ADGRE5: variants seen among roughly 807,000 people sequenced by gnomAD.
ADGRE5 encodes adhesion G protein-coupled receptor E5, also known as CD97 molecule.
ADGRE5 carries 72 observed loss-of-function variants against 100.3 expected under a neutral mutation model. The observed-to-expected ratio is 0.72, with a 90% CI of 0.59 to 0.87. The LOEUF (loss-of-function observed/expected upper bound fraction) is 0.87, where lower values mean the gene tolerates loss of function less well. Among genes scored for constraint, ADGRE5 ranks in the 40% least tolerant of loss-of-function variants. ADGRE5 has a pLI of 0.00. For missense variants in ADGRE5, 959 were observed against 1,094.7 expected, an observed-to-expected ratio of 0.88 and a Z score of 1.75; for synonymous variants, 439 against 447.8, an observed-to-expected ratio of 0.98 and a Z score of 0.25.
In ADGRE5 at chr19:14,388,965, G is replaced by A. The variant is rs186834796; in HGVS notation, c.190+147G>A. 147 of 830,664 alleles carry A rather than the reference G, an allele frequency of 1.8e-4. No homozygotes were observed. The African/African-American group carries it at 2.1e-3, about 12-fold the overall frequency. The allele number at this position is 830,664 out of a possible 1,614,324, so 51.5% of individuals were successfully genotyped here. A position where few individuals can be genotyped will look rare whatever the true frequency, so the allele number is the denominator to read the frequency against. The stretch of plus-strand genomic sequence containing the variant: ...GAGAAAAGAAAAAGAGGGCAGGCGT[G>A]GTGGCTCACGCCTGTAATCCCAGCA... On this transcript the variant is annotated intron_variant, in intron 3 of 19. Transcript: ENST00000242786.
chr19:14,399,436 C>T (rs1202118220), intron 9 of ADGRE5, among the ~76,000 whole-genome samples: 8 of 150,474 alleles, frequency 5.3e-5, no homozygotes, highest in African/African-American at 1.9e-4. Flanking sequence ...TAGTGGCGGG[C>T]GCCTGTAGTC....
Position 14,408,016 on chromosome 19 carries a change from G to C in ADGRE5, c.2478+7G>C. On this transcript the variant is annotated splice_region_variant and intron_variant, in intron 19 of 19. Coordinates refer to ENST00000242786, the MANE Select transcript of ADGRE5 (RefSeq NM_078481.4). ...TGGCCACAATCAGACCCGGGTAAGG[G>C]GCTGCGCCTGGGGCGGGTGTGGGCA... is the stretch of plus-strand genomic sequence containing the variant. 1 of 1,614,154 alleles carries C rather than the reference G, an allele frequency of 6.2e-7. No individual in the cohort carries two copies. The highest frequency in any genetic ancestry group is 8.5e-7 in the Non-Finnish European group (1 of 1,180,004).
At position 14,388,412 on chromosome 19, in the gene ADGRE5, G is replaced by C. The variant is rs761906518; in HGVS notation, c.23-38G>C. On this transcript the variant is annotated intron_variant, in intron 1 of 19. Transcript: ENST00000242786. ...ACCCTTACGCCTCCTTTCCCACCCT[G>C]GGATCCCCTCTGACCCCCTTTCCTT... 2.0e-6 allele frequency: 3 copies of C among 1,482,512 alleles called. No individual in the cohort carries two copies. In the African/African-American group the frequency reaches 4.3e-5, roughly 21 times the overall value. 91.8% of individuals were successfully genotyped at this position (1,482,512 alleles called of 1,614,324 possible). A position where few individuals can be genotyped will look rare whatever the true frequency, so the allele number is the denominator to read the frequency against.
At chr19:14,388,862 A>G in intron 3 of ADGRE5, 44 bp downstream of exon 3, 2 of 1,567,438 alleles carry the variant, frequency 1.3e-6, no homozygotes, top group Non-Finnish European at 1.8e-6. Flanking sequence ...CGCGATTATG[A>G]GGCATTGCCC....
chr19:14,405,990 GA>G, intron 14 of ADGRE5, 51 bp downstream of exon 14: 1 of 1,526,660 alleles, frequency 6.6e-7, no homozygotes, highest in Non-Finnish European at 8.8e-7. Flanking sequence ...GGAGGCCTGG[GA>G]GGGGTTAGCC....
Position 14,407,980 on chromosome 19 carries a change from A to T in ADGRE5, c.2449A>T (p.Thr817Ser), listed in dbSNP as rs370176467. ...GSKYSEFTST[T>S]SGTGHNQTRA... is the part of the protein sequence containing the mutation. ...CAAGTACTCAGAATTCACCTCCACC[A>T]CGTCTGGCACTGGCCACAATCAGAC... The change falls in exon 19 of 20, where the codon ACG becomes TCG. Residue 817 changes from threonine to serine, a missense_variant. This residue lies in a region of ADGRE5 where 428 missense variants were observed against 386.2 expected (regional missense o/e 1.11). Transcript: ENST00000242786. 7.4e-6 allele frequency: 12 copies of T among 1,614,040 alleles called. No individual in the cohort carries two copies. The highest frequency in any genetic ancestry group is 6.7e-5 in the East Asian group (3 of 44,882).
chr19:14,402,800 C>T lies in ADGRE5; in HGVS notation c.1387C>T (p.Leu463Phe), dbSNP rs776809700. ...NNTKELNSPI[L>F]FAFSHLESSD... is the part of the protein sequence containing the mutation. The stretch of plus-strand genomic sequence containing the variant: ...CACCAAGGAACTCAACTCCCCCATC[C>T]TTTTCGCCTTCTCCCACCTTGAGTC... Residue 463 changes from leucine to phenylalanine, a missense_variant, in exon 12 of 20, where the codon CTT becomes TTT. This residue lies in a region of ADGRE5 where 246 missense variants were observed against 242.2 expected (regional missense o/e 1.02). Transcript: ENST00000242786. 8 of 1,614,124 alleles carry T rather than the reference C, an allele frequency of 5.0e-6. No individual in the cohort carries two copies. The highest frequency in any genetic ancestry group is 5.1e-6 in the Non-Finnish European group (6 of 1,180,014).
chr19:14,398,530 C>A (rs1297794960), intron 9 of ADGRE5, among the ~76,000 whole-genome samples: 1 of 151,536 alleles, frequency 6.6e-6, no homozygotes, highest in Admixed American at 6.6e-5. Context: ...AAAAAATTAG[C>A]TGGGTGTGGT....
rs745703535 is a variant in ADGRE5 at position 14,381,491 on chromosome 19, T to C, written c.-33T>C. On this transcript the variant is annotated 5_prime_UTR_variant, in exon 1 of 20. Coordinates refer to ENST00000242786, the MANE Select transcript of ADGRE5 (RefSeq NM_078481.4). Reference sequence around the variant, plus strand: ...CGGGACAGCCCTGTCCCACTCACTCTTTCCCCTGCCGCTCCTGCCGGCAGC... The same window carrying C: ...CGGGACAGCCCTGTCCCACTCACTCCTTCCCCTGCCGCTCCTGCCGGCAGC... 34 of 1,609,942 alleles carry C rather than the reference T, an allele frequency of 2.1e-5. No individual in the cohort carries two copies. The highest frequency in any genetic ancestry group is 2.8e-5 in the Non-Finnish European group (33 of 1,178,184).
chr19:14,406,014 G>C lies in ADGRE5; in HGVS notation c.1821+75G>C. The stretch of plus-strand genomic sequence containing the variant: ...GGAGGGGTTAGCCCCGCCCACTCCC[G>C]GGGCTCAGTCGGGTAGGCGGGCCCT... On this transcript the variant is annotated intron_variant, in intron 14 of 19. Coordinates refer to ENST00000242786, the MANE Select transcript of ADGRE5 (RefSeq NM_078481.4). This position sits in a 1 kb window ranked among gnomAD's most constrained non-coding sequence, Gnocchi z 6.0. 1 of 1,344,946 alleles carries C rather than the reference G, an allele frequency of 7.4e-7. No homozygotes were observed. The highest frequency in any genetic ancestry group is 1.4e-5 in the South Asian group (1 of 72,520). 83.3% of individuals were successfully genotyped at this position (1,344,946 alleles called of 1,614,324 possible). A position where few individuals can be genotyped will look rare whatever the true frequency, so the allele number is the denominator to read the frequency against.
chr19:14,388,690 C>T lies in ADGRE5; in HGVS notation c.74-12C>T, dbSNP rs747926981. The T allele has an allele frequency of 2.5e-6, 4 of 1,613,024 alleles. No individual in the cohort carries two copies. Among genetic ancestry groups the T allele is most frequent in the South Asian group, 1.1e-5 (1 of 91,060 alleles). Reference sequence around the variant, plus strand: ...ACCCCTCACCTTCTGACCGTGCTCCCTGCTCTTGCAGGCTGTGCCCGGTGG... The same window carrying T: ...ACCCCTCACCTTCTGACCGTGCTCCTTGCTCTTGCAGGCTGTGCCCGGTGG... On this transcript the variant is annotated splice_polypyrimidine_tract_variant and intron_variant, in intron 2 of 19. Coordinates refer to ENST00000242786, the MANE Select transcript of ADGRE5 (RefSeq NM_078481.4).
chr19:14,382,842 G>A (rs950682989), intron 1 of ADGRE5, among the ~76,000 whole-genome samples: 3 of 151,256 alleles, frequency 2.0e-5, no homozygotes, highest in East Asian at 3.9e-4. Context: ...CATCCACCCC[G>A]AGTAGCTGGG....
At chr19:14,403,001 C>T in intron 12 of ADGRE5, 139 bp downstream of exon 12, 1 of 517,232 alleles carries the variant, frequency 1.9e-6, no homozygotes, top group Non-Finnish European at 3.3e-6. Flanking sequence ...TCCCCAACCT[C>T]ATTACTTATT....
At chr19:14,395,049 C>T (rs1451003876) in intron 4 of ADGRE5, among the ~76,000 whole-genome samples, 1 of 152,142 alleles carries the variant, frequency 6.6e-6, no homozygotes, top group Non-Finnish European at 1.5e-5. Flanking sequence ...GCCTGGAATC[C>T]CAGCACTTTG....
intron 9 of ADGRE5, among the ~76,000 whole-genome samples, chr19:14,400,981 G>C (rs574615725): frequency 1.3e-5 from 2 of 151,966 alleles, no homozygotes; most frequent in African/African-American, 2.4e-5. Context: ...AAAATTAGCC[G>C]GGTGTGGTGG....
chr19:14,407,543 G>T (rs1976315588), intron 18 of ADGRE5, among the ~76,000 whole-genome samples: 1 of 151,952 alleles, frequency 6.6e-6, no homozygotes, highest in East Asian at 1.9e-4. Context: ...CCAGCTACTT[G>T]GGAGGCTGAG....
chr19:14,390,138 G>A (rs1158188778), intron 3 of ADGRE5, among the ~76,000 whole-genome samples: 1 of 145,950 alleles, frequency 6.9e-6, no homozygotes, highest in Non-Finnish European at 1.5e-5. Flanking sequence ...GAAGAGGGAG[G>A]GAGGGAAGGA....
Position 14,381,982 on chromosome 19 carries a change from C to T in ADGRE5, c.22+437C>T, listed in dbSNP as rs113164063. On this transcript the variant is annotated intron_variant, in intron 1 of 19. Transcript: ENST00000242786. ...ACTGCAAGGTACCCCCAATTTGTCC[C>T]TCGCAGTCTCAGCAGCAGGGGCAGC... 3.3e-5 allele frequency among the ~76,000 whole-genome samples: 5 copies of T among 152,304 alleles called. 1 individual carries two copies. Among genetic ancestry groups the T allele is most frequent in the African/African-American group, 1.2e-4 (5 of 41,580 alleles).
chr19:14,388,968 G>C, intron 3 of ADGRE5, 150 bp downstream of exon 3: 1 of 818,426 alleles, frequency 1.2e-6, no homozygotes. Flanking sequence ...CAGGCGTGGT[G>C]GCTCACGCCT....
Sources: allele counts gnomAD v4.1 joint callset (sites outside exome capture counted in the v4.1 genomes callset), GRCh38; gene constraint gnomAD v4.1.1; regional missense constraint gnomAD v4.1.1; non-coding constraint Gnocchi (gnomAD v3.1); transcripts MANE v1.5; gene names NCBI Gene and HGNC (gene_info 2026-07-23, HGNC 2026-07-21).